The following POTEC variants were observed in gnomAD, a reference collection of about 807,000 sequenced individuals.
POTEC encodes ANKRD26-like family B member 2.
In POTEC, 35 loss-of-function variants were observed where a neutral mutation model predicts 62.0. The observed-to-expected ratio is 0.56, with a 90% CI of 0.43 to 0.75. The LOEUF is 0.75. POTEC is among the 30% of genes least tolerant of loss of function. The probability of loss-of-function intolerance (pLI) is 0.00; values close to 1 mark genes in which losing one functional copy is unlikely to be tolerated. For synonymous variants in POTEC, 156 were observed against 221.5 expected (o/e 0.70, Z 2.62); for missense variants, 472 against 655.9 (o/e 0.72, Z 3.06).
intron 5 of POTEC, among the ~76,000 whole-genome samples, chr18:14,532,263 T>C (rs920361835): frequency 2.0e-5 from 3 of 152,274 alleles, no homozygotes; most frequent in Middle Eastern, 3.4e-3. Flanking sequence ...TTGGCTAAGA[T>C]GTGGGTTCCA....
At chr18:14,520,569 T>A (rs1910283393) in intron 9 of POTEC, among the ~76,000 whole-genome samples, 2 of 152,070 alleles carry the variant, frequency 1.3e-5, no homozygotes, top group East Asian at 1.9e-4. Context: ...AATGAAATTT[T>A]AAAAATTATA....
Position 14,509,753 on chromosome 18 carries a change from C to T in POTEC, c.*2145G>A, listed in dbSNP as rs1199321248. ...AGGGGTGCTGAGGTCAGACCAGCCC[C>T]ATCTCATGTGCAAGACTGCCCAGCA... is the stretch of plus-strand genomic sequence containing the variant. On this transcript the variant is annotated 3_prime_UTR_variant, in exon 11 of 11. Transcript: ENST00000358970. 2 of 143,750 alleles carry T rather than the reference C, an allele frequency of 1.4e-5. No homozygotes were observed. Among genetic ancestry groups the T allele is most frequent in the Non-Finnish European group, 3.0e-5 (2 of 65,794 alleles). 8.9% of individuals were successfully genotyped at this position (143,750 alleles called of 1,614,324 possible). A position where few individuals can be genotyped will look rare whatever the true frequency, so the allele number is the denominator to read the frequency against.
rs1290339332 is a variant in POTEC at position 14,509,728 on chromosome 18, A to G, written c.*2170T>C. 6.9e-6 allele frequency: 1 copy of G among 144,730 alleles called. No individual in the cohort carries two copies. The highest frequency in any genetic ancestry group is 1.5e-5 in the Non-Finnish European group (1 of 65,642). The allele number at this position is 144,730 out of a possible 1,614,324, so 9.0% of individuals were successfully genotyped here. On this transcript the variant is annotated 3_prime_UTR_variant, in exon 11 of 11. Transcript: ENST00000358970. ...GGTCCTGGGAGAGGCAAGCAGACTA[A>G]GGGGTGCTGAGGTCAGACCAGCCCC...
Position 14,509,288 on chromosome 18 carries a change from G to A in POTEC, c.*2610C>T, listed in dbSNP as rs1330544515. The A allele has an allele frequency of 1.3e-5, 2 of 152,262 alleles. No individual in the cohort carries two copies. Among genetic ancestry groups the A allele is most frequent in the Non-Finnish European group, 2.9e-5 (2 of 68,110 alleles). The allele number at this position is 152,262 out of a possible 1,614,324, so 9.4% of individuals were successfully genotyped here. ...TTGGGGTGGGTGGCTGGCCAGTGAAGGTGCCTTCTCTGATCCCCCCCAAGC... is the reference window on the plus strand; with the variant it reads ...TTGGGGTGGGTGGCTGGCCAGTGAAAGTGCCTTCTCTGATCCCCCCCAAGC... On this transcript the variant is annotated 3_prime_UTR_variant, in exon 11 of 11. Coordinates refer to ENST00000358970, the MANE Select transcript of POTEC (RefSeq NM_001137671.2).
intron 9 of POTEC, among the ~76,000 whole-genome samples, chr18:14,520,265 C>A (rs908612891): frequency 6.6e-6 from 1 of 151,650 alleles, no homozygotes; most frequent in Non-Finnish European, 1.5e-5. Context: ...AAATTATACA[C>A]ATTTGGCATT....
chr18:14,530,343 ATGAAACATGGCTGAATAATCC>A lies in POTEC; in HGVS notation c.1126+119_1126+139del. The A allele has an allele frequency of 7.1e-6, 8 of 1,129,570 alleles. No homozygotes were observed. In the South Asian group the frequency reaches 1.0e-4, roughly 15 times the overall value. 70.0% of individuals were successfully genotyped at this position (1,129,570 alleles called of 1,614,324 possible). ...ATAATAATATAAAGTAGCACAATAAATGAAACATGGCTGAATAATCCTGAAACCATCCCCACCTTCCCCCAG... is the reference window on the plus strand; with the variant it reads ...ATAATAATATAAAGTAGCACAATAAATGAAACCATCCCCACCTTCCCCCAG... On this transcript the variant is annotated intron_variant, in intron 6 of 10. Coordinates refer to ENST00000358970, the MANE Select transcript of POTEC (RefSeq NM_001137671.2).
intron 1 of POTEC, among the ~76,000 whole-genome samples, chr18:14,539,305 G>A (rs2143168506): frequency 1.3e-5 from 2 of 152,068 alleles, no homozygotes; most frequent in Middle Eastern, 3.4e-3. Flanking sequence ...ACAGGTGCAG[G>A]ATGTGCAGGT....
At chr18:14,531,031 A>C (rs1905496034) in intron 5 of POTEC, among the ~76,000 whole-genome samples, 1 of 151,962 alleles carries the variant, frequency 6.6e-6, no homozygotes, top group Non-Finnish European at 1.5e-5. Flanking sequence ...TTTATGACTA[A>C]AATTATCTTG....
In POTEC at chr18:14,511,499, A is replaced by C. The variant is rs912069959; in HGVS notation, c.*399T>G. The stretch of plus-strand genomic sequence containing the variant: ...TTGTTAATTTTACTGTCAGCGTTAG[A>C]GTTGTTCAGAAAGAATCTCACTGTT... On this transcript the variant is annotated 3_prime_UTR_variant, in exon 11 of 11. Coordinates refer to ENST00000358970, the MANE Select transcript of POTEC (RefSeq NM_001137671.2). 1 of 295,208 alleles carries C rather than the reference A, an allele frequency of 3.4e-6. No individual in the cohort carries two copies. The highest frequency in any genetic ancestry group is 2.3e-5 in the African/African-American group (1 of 42,810). The allele number at this position is 295,208 out of a possible 1,614,324, so 18.3% of individuals were successfully genotyped here.
rs951716284 is a variant in POTEC at position 14,507,401 on chromosome 18, C to T, written c.*4497G>A. 1 of 151,214 alleles carries T rather than the reference C, an allele frequency of 6.6e-6. No individual in the cohort carries two copies. The highest frequency in any genetic ancestry group is 6.6e-5 in the Admixed American group (1 of 15,164). 9.4% of individuals were successfully genotyped at this position (151,214 alleles called of 1,614,324 possible). A position where few individuals can be genotyped will look rare whatever the true frequency, so the allele number is the denominator to read the frequency against. Reference sequence around the variant, plus strand: ...TTGTCAGAAACTAGGAGTGCAACACCTGCTTTTTTCTGTTTTCCATTTCCT... The same window carrying T: ...TTGTCAGAAACTAGGAGTGCAACACTTGCTTTTTTCTGTTTTCCATTTCCT... On this transcript the variant is annotated 3_prime_UTR_variant, in exon 11 of 11. Coordinates refer to ENST00000358970, the MANE Select transcript of POTEC (RefSeq NM_001137671.2).
chr18:14,533,707 T>C (rs562995242), intron 4 of POTEC, among the ~76,000 whole-genome samples: 346 of 152,312 alleles, frequency 2.3e-3, no homozygotes, highest in Non-Finnish European at 3.8e-3. Flanking sequence ...CACATGTATC[T>C]TTCTTGCTTA....
Position 14,511,524 on chromosome 18 carries a change from T to TA in POTEC, c.*373dup, listed in dbSNP as rs1910006549. 1 of 283,570 alleles carries TA rather than the reference T, an allele frequency of 3.5e-6. No individual in the cohort carries two copies. The highest frequency in any genetic ancestry group is 6.4e-6 in the Non-Finnish European group (1 of 155,286). The allele number at this position is 283,570 out of a possible 1,614,324, so 17.6% of individuals were successfully genotyped here. Reference sequence around the variant, plus strand: ...AGTTGTTCAGAAAGAATCTCACTGTTATCTTTTAGGTGAGATATATGAGAA... The same window carrying TA: ...AGTTGTTCAGAAAGAATCTCACTGTTAATCTTTTAGGTGAGATATATGAGAA... On this transcript the variant is annotated 3_prime_UTR_variant, in exon 11 of 11. Coordinates refer to ENST00000358970, the MANE Select transcript of POTEC (RefSeq NM_001137671.2).
At chr18:14,542,310 T>G (rs1045057292) in intron 1 of POTEC, among the ~76,000 whole-genome samples, 1 of 152,224 alleles carries the variant, frequency 6.6e-6, no homozygotes, top group Non-Finnish European at 1.5e-5. Flanking sequence ...CTTTCTATAG[T>G]GTATAGAACA....
intron 4 of POTEC, among the ~76,000 whole-genome samples, chr18:14,533,616 A>G (rs1183883313): frequency 6.6e-6 from 1 of 150,996 alleles, no homozygotes; most frequent in Admixed American, 6.6e-5. Flanking sequence ...CAGTAATATT[A>G]ATAATAATGG....
rs1906027464 is a variant in POTEC, at chr18:14,543,302, C to T, written c.-156G>A. Reference sequence around the variant, plus strand: ...CCAACCCCAGCAAGGGAGCCCAGTCCACCCCACCCAGGGAAAACCCACACC... The same window carrying T: ...CCAACCCCAGCAAGGGAGCCCAGTCTACCCCACCCAGGGAAAACCCACACC... On this transcript the variant is annotated 5_prime_UTR_variant, in exon 1 of 11. Coordinates refer to ENST00000358970, the MANE Select transcript of POTEC (RefSeq NM_001137671.2). The T allele has an allele frequency of 1.5e-5, 20 of 1,328,918 alleles. No homozygotes were observed. The highest frequency in any genetic ancestry group is 2.0e-5 in the Non-Finnish European group (20 of 980,104). 82.3% of individuals were successfully genotyped at this position (1,328,918 alleles called of 1,614,324 possible).
Position 14,543,038 on chromosome 18 carries a change from C to A in POTEC, c.109G>T (p.Gly37Trp), listed in dbSNP as rs749344523. 3.7e-6 allele frequency: 6 copies of A among 1,605,916 alleles called. No individual in the cohort carries two copies. In the African/African-American group the frequency reaches 8.0e-5, roughly 22 times the overall value. ...GTGCCCATGTTGCTCTTGCCGCTCC[C>A]CTTGCAGCAGGGGAAGCGGTGGTGA... is the stretch of plus-strand genomic sequence containing the variant. ...WFHHRFPCCK[G>W]SGKSNMGTSG... The change falls in exon 1 of 11, where the codon GGG (glycine) becomes TGG (tryptophan). Residue 37 changes from glycine (G) to tryptophan (W), a missense_variant. Physicochemically the swap from Gly to Trp is radical, Grantham distance 184. Transcript: ENST00000358970.
Position 14,542,666 on chromosome 18 carries a change from G to A in POTEC, c.481C>T (p.Leu161Phe), listed in dbSNP as rs1225821938. ...CTCTTGTTCATGTCCGTGTCCCTGA[G>A]CATGACGATGAGATCCTTTCTGGGG... ...KVPRKDLIVM[L>F]RDTDMNKRDK... The change falls in exon 1 of 11, where the codon CTC (leucine) becomes TTC (phenylalanine). Residue 161 changes from leucine to phenylalanine, a missense_variant. This residue lies in a region of POTEC where 257 missense variants were observed against 250.7 expected (regional missense o/e 1.03). Coordinates refer to ENST00000358970, the MANE Select transcript of POTEC (RefSeq NM_001137671.2). 6.2e-7 allele frequency: 1 copy of A among 1,612,782 alleles called. No homozygotes were observed. Among genetic ancestry groups the A allele is most frequent in the Non-Finnish European group, 8.5e-7 (1 of 1,179,884 alleles).
At chr18:14,530,824 A>T (rs1396726908) in intron 5 of POTEC, among the ~76,000 whole-genome samples, 1 of 152,130 alleles carries the variant, frequency 6.6e-6, no homozygotes, top group Non-Finnish European at 1.5e-5. Context: ...AAGTGTCCCA[A>T]CTCTGCATAA....
chr18:14,518,139 C>G (rs1268207397), intron 9 of POTEC, among the ~76,000 whole-genome samples: 1 of 152,138 alleles, frequency 6.6e-6, no homozygotes, highest in African/African-American at 2.4e-5. Flanking sequence ...AAACTCCATT[C>G]ACTCATTTAA....
Sources: gnomAD v4.1 joint callset for allele counts (sites outside exome capture counted in the v4.1 genomes callset) on GRCh38, gnomAD v4.1.1 for gene constraint, gnomAD v4.1.1 regional missense constraint, MANE v1.5 for transcripts, NCBI Gene and HGNC (gene_info 2026-07-23, HGNC 2026-07-21) for gene names.